The following PHF2 variants were observed in gnomAD, a reference collection of about 807,000 sequenced individuals.
The protein encoded by PHF2 is lysine-specific demethylase PHF2.
PHF2 carries 27 observed loss-of-function variants against 120.5 expected under a neutral mutation model. The observed-to-expected ratio is 0.22, with a 90% confidence interval of 0.17 to 0.31. PHF2 has a LOEUF of 0.31. Ranked by LOEUF, PHF2 falls within the 10% of genes least tolerant of loss-of-function variation. The probability of loss-of-function intolerance (pLI) is 1.00; values close to 1 mark genes in which losing one functional copy is unlikely to be tolerated. For missense variants in PHF2, 1,024 were observed against 1,434.8 expected (o/e 0.71, Z 4.63); for synonymous variants, 568 against 592.5 (o/e 0.96, Z 0.60).
At chr9:93,579,627 TAAAA>T (rs1862897057) in intron 1 of PHF2, among the ~76,000 whole-genome samples, 3 of 152,204 alleles carry the variant, frequency 2.0e-5, no homozygotes, top group Non-Finnish European at 4.4e-5. Context: ...TTTCCTGAAA[TAAAA>T]CATTACTGTA....
intron 1 of PHF2, among the ~76,000 whole-genome samples, chr9:93,620,274 C>G (rs970379991): frequency 6.6e-6 from 1 of 152,194 alleles, no homozygotes; most frequent in Non-Finnish European, 1.5e-5. Flanking sequence ...CTGTGAGGAC[C>G]GTCCTCACCC....
chr9:93,594,585 G>A (rs1354345804), intron 1 of PHF2, among the ~76,000 whole-genome samples: 2 of 152,254 alleles, frequency 1.3e-5, no homozygotes, highest in Non-Finnish European at 2.9e-5. Flanking sequence ...CCCACAGGCT[G>A]TGTGAACTGA....
At position 93,676,713 on chromosome 9, in the gene PHF2, C is replaced by A. The variant is rs748616730; in HGVS notation, c.2952C>A (p.Ala984=). 2 of 1,563,212 alleles carry A rather than the reference C, an allele frequency of 1.3e-6. No homozygotes were observed. Among genetic ancestry groups the A allele is most frequent in the Admixed American group, 1.9e-5 (1 of 51,926 alleles). The change falls in exon 21 of 22, where the codon GCC becomes GCA. Residue 984 remains alanine, a synonymous_variant. Coordinates refer to ENST00000359246, the MANE Select transcript of PHF2 (RefSeq NM_005392.4). Reference sequence around the variant, plus strand: ...CCACCTCCACCTCCACCACGCCAGCCTCTACCACCCCGGCCTCCACCACCC... The same window carrying A: ...CCACCTCCACCTCCACCACGCCAGCATCTACCACCCCGGCCTCCACCACCC... ...AGTTSTSTTP[A]STTPASTTPA...
At chr9:93,661,470 A>C (rs1312432433) in intron 12 of PHF2, among the ~76,000 whole-genome samples, 1 of 152,116 alleles carries the variant, frequency 6.6e-6, no homozygotes, top group Non-Finnish European at 1.5e-5. Context: ...TGGATGAATG[A>C]ATGAATCAGT....
intron 1 of PHF2, among the ~76,000 whole-genome samples, chr9:93,611,433 A>G (rs2131627542): frequency 6.6e-6 from 1 of 151,722 alleles, no homozygotes; most frequent in East Asian, 1.9e-4. Flanking sequence ...AAAAAAGAGT[A>G]TTCTTTTTAA....
intron 1 of PHF2, among the ~76,000 whole-genome samples, chr9:93,624,908 G>A (rs1395413926): frequency 1.3e-5 from 2 of 152,168 alleles, no homozygotes; most frequent in Non-Finnish European, 2.9e-5. Context: ...TGATGGTGAT[G>A]GTGGTGATGG....
chr9:93,607,994 TGAGAG>T (rs900176524), intron 1 of PHF2, among the ~76,000 whole-genome samples: 2 of 65,638 alleles, frequency 3.0e-5, no homozygotes, highest in African/African-American at 1.2e-4. Context: ...CGGAGGGAGA[TGAGAG>T]AGAGAGAGAG....
intron 2 of PHF2, among the ~76,000 whole-genome samples, chr9:93,633,210 G>C (rs1312275398): frequency 2.6e-5 from 4 of 152,180 alleles, no homozygotes; most frequent in Non-Finnish European, 5.9e-5. Flanking sequence ...ACAGTGGTGG[G>C]GATTGCAGGG....
intron 1 of PHF2, among the ~76,000 whole-genome samples, chr9:93,578,478 G>A (rs954287835): frequency 9.2e-5 from 14 of 152,210 alleles, no homozygotes; most frequent in African/African-American, 2.9e-4. Flanking sequence ...AAGTGGTGGG[G>A]CCTCTGCCTT....
At chr9:93,629,889 T>C in intron 1 of PHF2, 81 bp from the exon 2 acceptor site, 1 of 1,350,442 alleles carries the variant, frequency 7.4e-7, no homozygotes, top group Non-Finnish European at 1.1e-6. Flanking sequence ...TGAGCAGGGA[T>C]TCTCCCTAGA....
At chr9:93,619,160 C>T (rs1356672108) in intron 1 of PHF2, among the ~76,000 whole-genome samples, 3 of 152,146 alleles carry the variant, frequency 2.0e-5, no homozygotes, top group African/African-American at 4.8e-5. Flanking sequence ...AGGCCTGGGT[C>T]TGTCCTTGGT....
In PHF2 at chr9:93,653,446, C is replaced by G. The variant is rs1047389429; in HGVS notation, c.789+81C>G. 3.4e-6 allele frequency: 5 copies of G among 1,461,480 alleles called. No homozygotes were observed. In the African/African-American group the frequency reaches 7.2e-5, roughly 21 times the overall value. 90.5% of individuals were successfully genotyped at this position (1,461,480 alleles called of 1,614,324 possible). A position where few individuals can be genotyped will look rare whatever the true frequency, so the allele number is the denominator to read the frequency against. The stretch of plus-strand genomic sequence containing the variant: ...GGATTGTCTGCAGTCCCCACAAGCC[C>G]TGATTGGCCAGGATGCGACTCCCCA... On this transcript the variant is annotated intron_variant, in intron 6 of 21. Transcript: ENST00000359246.
chr9:93,645,794 G>A lies in PHF2; in HGVS notation c.460+5G>A. ...GTGACGTCGAGAACTACGTGGGTAA[G>A]CGCCATCCCCTTCACAGTGCTCTGG... On this transcript the variant is annotated splice_donor_5th_base_variant and intron_variant, in intron 4 of 21. Coordinates refer to ENST00000359246, the MANE Select transcript of PHF2 (RefSeq NM_005392.4). 1 of 1,577,522 alleles carries A rather than the reference G, an allele frequency of 6.3e-7. No individual in the cohort carries two copies. Among genetic ancestry groups the A allele is most frequent in the Non-Finnish European group, 8.6e-7 (1 of 1,159,598 alleles).
At position 93,668,645 on chromosome 9, in the gene PHF2, C is replaced by T. The variant is rs540830383; in HGVS notation, c.2348+1405C>T. Among the ~76,000 whole-genome samples, 12 of 152,252 alleles carry T rather than the reference C, an allele frequency of 7.9e-5. No homozygotes were observed. The South Asian group carries it at 2.1e-3, about 26-fold the overall frequency. ...ACAGAGGTGGGGAGGGTTTTGTGCT[C>T]AGGTCTGTGAGGAGGCGCTGTGTCC... On this transcript the variant is annotated intron_variant, in intron 17 of 21. Transcript: ENST00000359246.
chr9:93,652,431 AT>A (rs1430254117), intron 5 of PHF2, among the ~76,000 whole-genome samples: 1 of 150,860 alleles, frequency 6.6e-6, no homozygotes, highest in Admixed American at 6.6e-5. Flanking sequence ...AGTAGCTGGG[AT>A]TACAGGCATG....
chr9:93,620,172 G>A (rs758368367), intron 1 of PHF2, among the ~76,000 whole-genome samples: 9 of 152,342 alleles, frequency 5.9e-5, no homozygotes, highest in South Asian at 2.1e-4. Flanking sequence ...AGGCTAGGTG[G>A]CCAGCGGCCT....
At position 93,673,566 on chromosome 9, in the gene PHF2, T is replaced by C; in HGVS notation, c.2349-19T>C. On this transcript the variant is annotated intron_variant, in intron 17 of 21. Coordinates refer to ENST00000359246, the MANE Select transcript of PHF2 (RefSeq NM_005392.4). ...GGCCAAGAGCACTGGGCTGAGTGCC[T>C]GTCTCTCTGTGCCCCTAGCCAGCCC... The C allele has an allele frequency of 6.5e-7, 1 of 1,539,258 alleles. No homozygotes were observed. The highest frequency in any genetic ancestry group is 1.4e-5 in the African/African-American group (1 of 73,390).
At chr9:93,610,059 G>A (rs1191074144) in intron 1 of PHF2, among the ~76,000 whole-genome samples, 3 of 112,968 alleles carry the variant, frequency 2.7e-5, no homozygotes, top group African/African-American at 8.7e-5. Flanking sequence ...AATGTGATAT[G>A]CCTAGGTGTA....
chr9:93,598,211 A>G (rs1435777056), intron 1 of PHF2, among the ~76,000 whole-genome samples: 1 of 152,234 alleles, frequency 6.6e-6, no homozygotes, highest in Non-Finnish European at 1.5e-5. Flanking sequence ...AGAGACAGGA[A>G]AAGCCCAACT....
Sources: allele counts gnomAD v4.1 joint callset (sites outside exome capture counted in the v4.1 genomes callset), GRCh38; gene constraint gnomAD v4.1.1; transcripts MANE v1.5; gene names NCBI Gene and HGNC (gene_info 2026-07-23, HGNC 2026-07-21).